PCDHGA3: variants seen among roughly 807,000 people sequenced by gnomAD.
PCDHGA3 encodes protocadherin gamma subfamily A, 3, also known as protocadherin gamma-A3.
Under a neutral mutation model 58.5 loss-of-function variants are expected in PCDHGA3, and 40 were observed. The ratio of observed to expected loss-of-function variants is 0.68; its 90% CI spans 0.53 to 0.89. PCDHGA3 has a LOEUF of 0.89. PCDHGA3 is among the 40% of genes least tolerant of loss of function. The probability of loss-of-function intolerance (pLI) is 0.00; values close to 1 mark genes in which losing one functional copy is unlikely to be tolerated. For synonymous variants in PCDHGA3, 530 were observed against 525.7 expected, an observed-to-expected ratio of 1.01 and a Z score of -0.11; for missense variants, 1,223 against 1,195.9, an observed-to-expected ratio of 1.02 and a Z score of -0.33.
intron 1 of PCDHGA3, chr5:141,355,319 A>G: frequency 6.2e-7 from 1 of 1,613,976 alleles, no homozygotes; most frequent in African/African-American, 1.3e-5. Context: ...GAGGAGCAGG[A>G]AGAAGGCTCA....
At chr5:141,372,431 C>G in intron 1 of PCDHGA3, 3 of 1,614,052 alleles carry the variant, frequency 1.9e-6, no homozygotes, top group Non-Finnish European at 2.5e-6. Context: ...GCGACCGCCC[C>G]ACTCCCTCTG....
At chr5:141,419,394 G>A (rs778450240) in intron 1 of PCDHGA3, 2 of 1,613,612 alleles carry the variant, frequency 1.2e-6, no homozygotes, top group East Asian at 2.2e-5. Flanking sequence ...GCGCAGAGCG[G>A]GGTGGTGTTC....
chr5:141,409,513 C>G (rs2095276446), intron 1 of PCDHGA3: 1 of 1,614,030 alleles, frequency 6.2e-7, no homozygotes, highest in South Asian at 1.1e-5. Flanking sequence ...CCAGTAGAAG[C>G]ATCACCTTGT....
At chr5:141,421,531 T>G (rs1318944446) in intron 1 of PCDHGA3, 1 of 1,613,904 alleles carries the variant, frequency 6.2e-7, no homozygotes, top group Non-Finnish European at 8.5e-7. Flanking sequence ...GACGGTGTCC[T>G]CCTGTTTTTT....
Position 141,375,095 on chromosome 5 carries a change from T to C in PCDHGA3, c.2424+28638T>C, listed in dbSNP as rs370381070. 3.0e-4 allele frequency: 491 copies of C among 1,613,960 alleles called. 2 individuals are homozygous for C. In the African/African-American group the frequency reaches 5.9e-3, roughly 19 times the overall value. ...CAGAGCGAAAGTCTTAATAACTATCTTGGATGTCAATGATAATGTACCAGA... is the reference window on the plus strand; with the variant it reads ...CAGAGCGAAAGTCTTAATAACTATCCTGGATGTCAATGATAATGTACCAGA... On this transcript the variant is annotated intron_variant, in intron 1 of 3. Coordinates refer to ENST00000253812, the MANE Select transcript of PCDHGA3 (RefSeq NM_018916.4).
At chr5:141,464,748 T>C (rs995568259) in intron 1 of PCDHGA3, among the ~76,000 whole-genome samples, 2 of 152,190 alleles carry the variant, frequency 1.3e-5, no homozygotes, top group Admixed American at 1.3e-4. Context: ...TATCTTTTTG[T>C]TTTTTTAGAG....
At chr5:141,463,438 C>CTTTTTT (rs71576115) in intron 1 of PCDHGA3, among the ~76,000 whole-genome samples, 4 of 103,256 alleles carry the variant, frequency 3.9e-5, no homozygotes, top group African/African-American at 1.3e-4. Context: ...TTTCCTTCTC[C>CTTTTTT]TTTTTTTTTT....
At chr5:141,480,295 G>A (rs1190133739) in intron 1 of PCDHGA3, among the ~76,000 whole-genome samples, 2 of 133,330 alleles carry the variant, frequency 1.5e-5, no homozygotes, top group Admixed American at 7.4e-5. Context: ...TGCACCTGTG[G>A]TACCAGCTAC....
intron 1 of PCDHGA3, chr5:141,420,925 G>A: frequency 2.8e-6 from 1 of 355,536 alleles, no homozygotes; most frequent in Non-Finnish European, 5.1e-6. Context: ...TCACAAAGGT[G>A]AGCGTAATCA....
intron 1 of PCDHGA3, chr5:141,355,807 G>A: frequency 1.9e-6 from 3 of 1,613,264 alleles, no homozygotes; most frequent in Non-Finnish European, 2.5e-6. Context: ...TCTAGATCGC[G>A]AGGAAGAGGC....
intron 1 of PCDHGA3, chr5:141,430,575 A>T (rs1056696427): frequency 2.2e-6 from 1 of 455,822 alleles, no homozygotes; most frequent in Non-Finnish European, 3.7e-6. Flanking sequence ...AAAAGCGGAG[A>T]TCCTGCTCGC....
At chr5:141,348,119 A>G (rs1758067701) in intron 1 of PCDHGA3, among the ~76,000 whole-genome samples, 1 of 152,234 alleles carries the variant, frequency 6.6e-6, no homozygotes, top group Admixed American at 6.5e-5. Context: ...TTATGAAATT[A>G]TTTTCACTCA....
In PCDHGA3 at chr5:141,345,475, G is replaced by A; in HGVS notation, c.1442G>A (p.Ser481Asn). The change falls in exon 1 of 4, where the codon AGC becomes AAC. Residue 481 changes from serine to asparagine, a missense_variant. By Grantham distance (46) the Ser-to-Asn change is conservative (BLOSUM62 1). Coordinates refer to ENST00000253812, the MANE Select transcript of PCDHGA3 (RefSeq NM_018916.4). ...IFSVTAQDPD[S>N]NNNARITYAL... ...TCAGTGACAGCCCAGGACCCAGATAGCAACAACAACGCCCGCATCACTTAT... is the reference window on the plus strand; with the variant it reads ...TCAGTGACAGCCCAGGACCCAGATAACAACAACAACGCCCGCATCACTTAT... 1 of 1,614,116 alleles carries A rather than the reference G, an allele frequency of 6.2e-7. No homozygotes were observed. The highest frequency in any genetic ancestry group is 1.3e-5 in the African/African-American group (1 of 75,014).
At chr5:141,357,165 G>C (rs368780365) in intron 1 of PCDHGA3, 1 of 1,613,556 alleles carries the variant, frequency 6.2e-7, no homozygotes, top group Non-Finnish European at 8.5e-7. Flanking sequence ...CCCCTCTCTC[G>C]GCCACCGTCA....
intron 1 of PCDHGA3, chr5:141,429,167 T>TATAC (rs1240034860): frequency 3.1e-4 from 42 of 136,210 alleles, no homozygotes; most frequent in African/African-American, 7.0e-4. Flanking sequence ...AGACATTGTT[T>TATAC]ATACACACAC....
chr5:141,394,433 G>A lies in PCDHGA3; in HGVS notation c.2424+47976G>A, dbSNP rs1180818373. ...TAACAGCCAGCGACAGCGGGGACCC[G>A]CCCCTCAGCAGCAACATGTCACTGA... On this transcript the variant is annotated intron_variant, in intron 1 of 3. Coordinates refer to ENST00000253812, the MANE Select transcript of PCDHGA3 (RefSeq NM_018916.4). 3.7e-6 allele frequency: 6 copies of A among 1,614,088 alleles called. No homozygotes were observed. The East Asian group carries it at 8.9e-5, about 24-fold the overall frequency.
Position 141,372,133 on chromosome 5 carries a change from G to A in PCDHGA3, c.2424+25676G>A, listed in dbSNP as rs576893125. Reference sequence around the variant, plus strand: ...TCTGCGCTCTTCGATATGGTGCCGCGCTCTGCAGAGCCTGGCTACCTGGTG... The same window carrying A: ...TCTGCGCTCTTCGATATGGTGCCGCACTCTGCAGAGCCTGGCTACCTGGTG... On this transcript the variant is annotated intron_variant, in intron 1 of 3. Coordinates refer to ENST00000253812, the MANE Select transcript of PCDHGA3 (RefSeq NM_018916.4). 1.4e-5 allele frequency: 23 copies of A among 1,613,666 alleles called. No individual in the cohort carries two copies. The East Asian group carries it at 5.1e-4, about 36-fold the overall frequency.
In PCDHGA3 at chr5:141,491,409, G is replaced by T; in HGVS notation, c.2425-3398G>T. The T allele has an allele frequency of 6.8e-6, 11 of 1,614,118 alleles. No individual in the cohort carries two copies. Among genetic ancestry groups the T allele is most frequent in the Non-Finnish European group, 9.3e-6 (11 of 1,180,014 alleles). On this transcript the variant is annotated intron_variant, in intron 1 of 3. Coordinates refer to ENST00000253812, the MANE Select transcript of PCDHGA3 (RefSeq NM_018916.4). The surrounding 1 kb of genome is among the most constrained non-coding windows in gnomAD (Gnocchi z 6.9). ...AGTGCCTTCAGGGAAACGCAGACGG[G>T]GACGGGGGTGGAGGGCAGTGCTGCA...
chr5:141,393,771 C>G (rs1207407733), intron 1 of PCDHGA3: 4 of 1,613,874 alleles, frequency 2.5e-6, no homozygotes, highest in Non-Finnish European at 3.4e-6. Context: ...AATGGAAATA[C>G]AAGCCGAAGA....
Sources: allele counts gnomAD v4.1 joint callset (sites outside exome capture counted in the v4.1 genomes callset), GRCh38; gene constraint gnomAD v4.1.1; non-coding constraint Gnocchi (gnomAD v3.1); transcripts MANE v1.5; gene names NCBI Gene and HGNC (gene_info 2026-07-23, HGNC 2026-07-21).